The following SYNE1 variants were observed in gnomAD, a reference collection of about 807,000 sequenced individuals.
SYNE1 encodes nesprin-1.
SYNE1 carries 616 observed loss-of-function variants against 1,111.0 expected under a neutral mutation model. The observed-to-expected ratio is 0.55, with a 90% CI of 0.52 to 0.59. The LOEUF is 0.59. Among genes scored for constraint, SYNE1 ranks in the 20% least tolerant of loss-of-function variants. The pLI, the probability that SYNE1 is intolerant of heterozygous loss-of-function variation, is 0.00. For synonymous variants in SYNE1, 3,855 were observed against 3,825.8 expected (o/e 1.01, Z -0.28); for missense variants, 10,006 against 10,417.0 (o/e 0.96, Z 1.72).
intron 3 of SYNE1, among the ~76,000 whole-genome samples, chr6:152,625,426 C>T (rs1405694): frequency 0.63 from 96,448 of 152,072 alleles, 31,008 homozygotes; most frequent in Non-Finnish European, 0.7. Context: ...TCACTTCCTG[C>T]CATTTCACCC....
chr6:152,453,334 A>C (rs1310557970), intron 25 of SYNE1: 2 of 617,194 alleles, frequency 3.2e-6, no homozygotes. Context: ...CTGGATTAAA[A>C]AAAAATCAGG....
Position 152,220,958 on chromosome 6 carries a change from T to C in SYNE1, c.21745A>G (p.Lys7249Glu). ...TGCTGAACTGTCGAAGCACACTGTT[T>C]GGAGTAGTCCTTGTATCTTTGCCAA... ...QLWQRYKDYS[K>E]QCASTVQQQE... Residue 7249 changes from lysine (K) to glutamate (E), a missense_variant, in exon 119 of 146, where the codon AAA (lysine) becomes GAA (glutamate). Physicochemically the swap from Lys to Glu is moderately conservative, Grantham distance 56. Around this residue, in one of 7 missense-constraint regions of SYNE1, gnomAD observed 2,182 missense variants for 2,287.8 expected, o/e 0.95. Coordinates refer to ENST00000367255, the MANE Select transcript of SYNE1 (RefSeq NM_182961.4). The C allele has an allele frequency of 6.2e-7, 1 of 1,614,194 alleles. No individual in the cohort carries two copies. Among genetic ancestry groups the C allele is most frequent in the South Asian group, 1.1e-5 (1 of 91,086 alleles).
At chr6:152,453,414 A>G (rs2098667735) in intron 25 of SYNE1, 172 bp downstream of exon 25, 2 of 835,164 alleles carry the variant, frequency 2.4e-6, no homozygotes, top group Middle Eastern at 2.7e-4. Flanking sequence ...ACACAATTCT[A>G]TCATATATTA....
chr6:152,251,523 C>T (rs1162886391), intron 104 of SYNE1, among the ~76,000 whole-genome samples: 1 of 151,918 alleles, frequency 6.6e-6, no homozygotes, highest in African/African-American at 2.4e-5. Flanking sequence ...CTTTGGGAGG[C>T]CGAGGCGGGC....
In SYNE1 at chr6:152,321,361, T is replaced by C. The variant is rs368646693; in HGVS notation, c.16113A>G (p.Arg5371=). ...CTTCTGCCATTTTTTCAATGTTCTG[T>C]CGGTGATTTGTGGCTTCTGTTAGGA... is the stretch of plus-strand genomic sequence containing the variant. ...QILLTEATNH[R]QNIEKMAEEQ... is the part of the protein sequence containing the mutation. The change falls in exon 84 of 146, where the codon CGA becomes CGG. Residue 5371 remains arginine, a synonymous_variant. Coordinates refer to ENST00000367255, the MANE Select transcript of SYNE1 (RefSeq NM_182961.4). 2.5e-6 allele frequency: 4 copies of C among 1,613,790 alleles called. No homozygotes were observed. Among genetic ancestry groups the C allele is most frequent in the Non-Finnish European group, 3.4e-6 (4 of 1,179,908 alleles).
chr6:152,352,847 C>G (rs1189785265), intron 69 of SYNE1, among the ~76,000 whole-genome samples: 1 of 152,156 alleles, frequency 6.6e-6, no homozygotes, highest in Non-Finnish European at 1.5e-5. Context: ...AATATAGGTT[C>G]TAAAAGTCTT....
chr6:152,447,382 C>T lies in SYNE1; in HGVS notation c.3669+76G>A, dbSNP rs576445022. On this transcript the variant is annotated intron_variant, in intron 29 of 145. Coordinates refer to ENST00000367255, the MANE Select transcript of SYNE1 (RefSeq NM_182961.4). ...TTTCTTTATAAAATTACTTGCTAAA[C>T]TACAACCAGAAGAAAAAGAACCTTC... is the stretch of plus-strand genomic sequence containing the variant. 5.2e-6 allele frequency: 8 copies of T among 1,524,270 alleles called. No homozygotes were observed. The South Asian group carries it at 8.2e-5, about 16-fold the overall frequency. The allele number at this position is 1,524,270 out of a possible 1,614,324, so 94.4% of individuals were successfully genotyped here.
intron 14 of SYNE1, among the ~76,000 whole-genome samples, chr6:152,482,282 A>T (rs1461600806): frequency 6.6e-6 from 1 of 152,210 alleles, no homozygotes. Flanking sequence ...AATTTGCTTT[A>T]TGATCTTGTC....
intron 108 of SYNE1, among the ~76,000 whole-genome samples, chr6:152,237,671 G>A (rs1191680435): frequency 1.3e-5 from 2 of 152,052 alleles, no homozygotes; most frequent in African/African-American, 4.8e-5. Context: ...AAAGGATGGG[G>A]ATGTTTGCCT....
chr6:152,190,723 C>T (rs2072016500), intron 127 of SYNE1, among the ~76,000 whole-genome samples: 1 of 152,196 alleles, frequency 6.6e-6, no homozygotes, highest in Non-Finnish European at 1.5e-5. Context: ...TCCATGTACC[C>T]TCCCAAGCTC....
chr6:152,260,409 G>A (rs1205676355), intron 101 of SYNE1, among the ~76,000 whole-genome samples: 1 of 152,120 alleles, frequency 6.6e-6, no homozygotes, highest in African/African-American at 2.4e-5. Context: ...AAAGTATAGG[G>A]CACCATTTGC....
intron 64 of SYNE1, among the ~76,000 whole-genome samples, chr6:152,361,215 G>A (rs1284022999): frequency 6.6e-6 from 1 of 152,200 alleles, no homozygotes; most frequent in Non-Finnish European, 1.5e-5. Context: ...GATTCAGCAA[G>A]GCTGGAGAGC....
chr6:152,238,183 G>A (rs2084670688), intron 108 of SYNE1, among the ~76,000 whole-genome samples: 1 of 152,156 alleles, frequency 6.6e-6, no homozygotes, highest in South Asian at 2.1e-4. Context: ...GTGCCCAGGT[G>A]TGTGCCTGGT....
chr6:152,543,234 C>A (rs1595024296), intron 3 of SYNE1, among the ~76,000 whole-genome samples: 2 of 151,984 alleles, frequency 1.3e-5, no homozygotes, highest in South Asian at 4.1e-4. Flanking sequence ...ATGTTAAATT[C>A]TTTACGTGTT....
At chr6:152,525,569 A>G (rs2099159820) in intron 5 of SYNE1, among the ~76,000 whole-genome samples, 1 of 152,224 alleles carries the variant, frequency 6.6e-6, no homozygotes, top group African/African-American at 2.4e-5. Context: ...GCTCCACAGC[A>G]CATAAAAACA....
At chr6:152,372,735 G>A (rs755691649) in intron 59 of SYNE1, among the ~76,000 whole-genome samples, 1 of 152,228 alleles carries the variant, frequency 6.6e-6, no homozygotes, top group African/African-American at 2.4e-5. Flanking sequence ...AAATGAGACA[G>A]TTCACATGAA....
intron 16 of SYNE1, among the ~76,000 whole-genome samples, chr6:152,471,017 T>C (rs1055394243): frequency 2.0e-5 from 3 of 152,194 alleles, no homozygotes; most frequent in Non-Finnish European, 4.4e-5. Context: ...GAATTATCTA[T>C]ATTGATAGCC....
At chr6:152,395,111 TAC>T (rs1360203578) in intron 51 of SYNE1, among the ~76,000 whole-genome samples, 5 of 152,070 alleles carry the variant, frequency 3.3e-5, no homozygotes, top group African/African-American at 1.2e-4. Context: ...TTTTTATCTT[TAC>T]AGTCACTGTG....
chr6:152,389,607 A>G (rs2097577207), intron 53 of SYNE1, among the ~76,000 whole-genome samples: 1 of 152,160 alleles, frequency 6.6e-6, no homozygotes, highest in Non-Finnish European at 1.5e-5. Context: ...CTCACTTATA[A>G]TTACAACAAA....
Sources: allele counts gnomAD v4.1 joint callset (sites outside exome capture counted in the v4.1 genomes callset), GRCh38; gene constraint gnomAD v4.1.1; regional missense constraint gnomAD v4.1.1; transcripts MANE v1.5; gene names NCBI Gene and HGNC (gene_info 2026-07-23, HGNC 2026-07-21).